The following MAMDC2 variants were observed in gnomAD, a reference collection of about 807,000 sequenced individuals.
The protein encoded by MAMDC2 is MAM domain-containing protein 2.
A neutral mutation model predicts 89.8 loss-of-function variants in MAMDC2; 57 were observed. That is an observed-to-expected ratio of 0.63 (90% CI 0.51 to 0.79). The LOEUF (loss-of-function observed/expected upper bound fraction) is 0.79. MAMDC2 is among the 30% of genes least tolerant of loss of function. The pLI, the probability that MAMDC2 is intolerant of heterozygous loss-of-function variation, is 0.00. For synonymous variants in MAMDC2, 313 were observed against 293.4 expected (o/e 1.07, Z -0.68); for missense variants, 800 against 820.6 (o/e 0.97, Z 0.31).
chr9:70,166,425 G>T, intron 9 of MAMDC2, among the ~76,000 whole-genome samples: 1 of 151,354 alleles, frequency 6.6e-6, no homozygotes, highest in East Asian at 1.9e-4. Flanking sequence ...TAACATAATT[G>T]TTGTAAATTT....
At chr9:70,197,229 A>T (rs1027960162) in intron 11 of MAMDC2, among the ~76,000 whole-genome samples, 2 of 152,248 alleles carry the variant, frequency 1.3e-5, no homozygotes, top group Admixed American at 1.3e-4. Flanking sequence ...ATGCAATAAC[A>T]TTCATCAAAG....
Position 70,109,800 on chromosome 9 carries a change from T to C in MAMDC2, c.501T>C (p.Cys167=), listed in dbSNP as rs375290017. ...AAATCAAGATGACAACCGGCTACTG[T>C]ATTGGTAAGTGGGCTTCATTTTCAT... ...LFEIKMTTGY[C]IECDFEENHL... is the part of the protein sequence containing the mutation. The change falls in exon 4 of 14, where the codon TGT becomes TGC. Residue 167 remains cysteine, a synonymous_variant. Transcript: ENST00000377182. 4 of 1,611,908 alleles carry C rather than the reference T, an allele frequency of 2.5e-6. No homozygotes were observed. Among genetic ancestry groups the C allele is most frequent in the Admixed American group, 1.7e-5 (1 of 59,956 alleles).
chr9:70,206,241 T>G (rs1310416844), intron 11 of MAMDC2, among the ~76,000 whole-genome samples: 1 of 152,204 alleles, frequency 6.6e-6, no homozygotes, highest in Non-Finnish European at 1.5e-5. Context: ...CTGGCCAATT[T>G]ATAAGTTTTA....
intron 9 of MAMDC2, 64 bp downstream of exon 9, chr9:70,143,883 G>A (rs939252059): frequency 3.5e-5 from 54 of 1,563,350 alleles, no homozygotes; most frequent in East Asian, 2.0e-4. Context: ...GTGAATGTCC[G>A]TCTAGCTACT....
chr9:70,159,233 T>C (rs2031875216), intron 9 of MAMDC2, among the ~76,000 whole-genome samples: 1 of 152,132 alleles, frequency 6.6e-6, no homozygotes, highest in Admixed American at 6.6e-5. Flanking sequence ...TACATAACAA[T>C]TCTACATCTA....
intron 11 of MAMDC2, chr9:70,217,406 G>C (rs1455003123): frequency 1.5e-6 from 2 of 1,324,346 alleles, no homozygotes; most frequent in Non-Finnish European, 2.2e-6. Flanking sequence ...CAAAAGAAAA[G>C]AACCCACCCA....
rs1187399467 is a variant in MAMDC2, at chr9:70,201,189, T to G, written c.1652-17148T>G. Among the ~76,000 whole-genome samples, 4 of 7,384 alleles carry G rather than the reference T, an allele frequency of 5.4e-4. 1 individual carries two copies. The highest frequency in any genetic ancestry group is 8.5e-4 in the African/African-American group (1 of 1,182). 4.8% of individuals were successfully genotyped at this position (7,384 alleles called of 152,430 possible). ...ATTCGGTATGATATTGGCTGTGGGT[T>G]TGTCATAAATAGCTCTTATTATTTT... On this transcript the variant is annotated intron_variant, in intron 11 of 13. Coordinates refer to ENST00000377182, the MANE Select transcript of MAMDC2 (RefSeq NM_153267.5).
At chr9:70,212,894 G>T (rs527550347) in intron 11 of MAMDC2, among the ~76,000 whole-genome samples, 5 of 152,306 alleles carry the variant, frequency 3.3e-5, no homozygotes, top group Admixed American at 2.0e-4. Flanking sequence ...CTGTAGAGAT[G>T]TGTGTGGTCC....
chr9:70,117,170 A>G (rs2030043237), intron 5 of MAMDC2, among the ~76,000 whole-genome samples: 1 of 152,142 alleles, frequency 6.6e-6, no homozygotes, highest in Non-Finnish European at 1.5e-5. Context: ...TCATTCAACA[A>G]ACACATAATA....
Position 70,050,096 on chromosome 9 carries a change from A to G in MAMDC2, c.148+5399A>G, listed in dbSNP as rs373879854. Among the ~76,000 whole-genome samples, 29 of 152,322 alleles carry G rather than the reference A, an allele frequency of 1.9e-4. 1 individual carries two copies. The highest frequency in any genetic ancestry group is 9.6e-4 in the East Asian group (5 of 5,184). Reference sequence around the variant, plus strand: ...GCTAATTATATTTCAGACATGTGGAAGAACTCAGATTCCAAAGATGCAGTG... The same window carrying G: ...GCTAATTATATTTCAGACATGTGGAGGAACTCAGATTCCAAAGATGCAGTG... On this transcript the variant is annotated intron_variant, in intron 2 of 13. Coordinates refer to ENST00000377182, the MANE Select transcript of MAMDC2 (RefSeq NM_153267.5).
chr9:70,125,751 G>T (rs966890676), intron 5 of MAMDC2, among the ~76,000 whole-genome samples: 1 of 152,184 alleles, frequency 6.6e-6, no homozygotes, highest in Non-Finnish European at 1.5e-5. Context: ...GTCTTTGTGT[G>T]CTCTTCAGAG....
intron 2 of MAMDC2, among the ~76,000 whole-genome samples, chr9:70,078,828 A>C (rs1342738973): frequency 6.6e-6 from 1 of 152,086 alleles, no homozygotes; most frequent in Non-Finnish European, 1.5e-5. Context: ...TGGGTAGCCA[A>C]GCCTATCATG....
chr9:70,164,403 TCTC>T, intron 9 of MAMDC2, among the ~76,000 whole-genome samples: 1 of 152,306 alleles, frequency 6.6e-6, no homozygotes, highest in East Asian at 1.9e-4. Flanking sequence ...TTTTTACAGC[TCTC>T]CTTTCATTGC....
intron 11 of MAMDC2, among the ~76,000 whole-genome samples, chr9:70,215,874 T>C (rs1183433894): frequency 3.9e-5 from 6 of 152,202 alleles, no homozygotes; most frequent in African/African-American, 1.4e-4. Flanking sequence ...CCAACGATGC[T>C]TTCTCCCACT....
intron 4 of MAMDC2, among the ~76,000 whole-genome samples, chr9:70,111,842 C>T (rs1828518604): frequency 6.6e-6 from 1 of 152,294 alleles, no homozygotes; most frequent in South Asian, 2.1e-4. Flanking sequence ...AGCTCTGTGA[C>T]CCAGGACTAG....
intron 10 of MAMDC2, 189 bp from the exon 11 acceptor site, chr9:70,170,290 C>A: frequency 2.1e-6 from 1 of 479,856 alleles, no homozygotes; most frequent in Non-Finnish European, 3.6e-6. Context: ...ATGTCTGTGG[C>A]AGGACCCGCA....
At chr9:70,218,221 T>G in intron 11 of MAMDC2, 116 bp from the exon 12 acceptor site, 1 of 1,158,526 alleles carries the variant, frequency 8.6e-7, no homozygotes, top group Non-Finnish European at 1.2e-6. Flanking sequence ...TATAAAACCC[T>G]TTATCAGTAC....
At chr9:70,060,530 A>G (rs577641174) in intron 2 of MAMDC2, 5 of 152,210 alleles carry the variant, frequency 3.3e-5, no homozygotes, top group Non-Finnish European at 4.4e-5. Context: ...GCTGGTTCGA[A>G]TGAGTGTTCC....
chr9:70,093,129 C>T (rs1827943714), intron 2 of MAMDC2, among the ~76,000 whole-genome samples: 1 of 152,000 alleles, frequency 6.6e-6, no homozygotes, highest in African/African-American at 2.4e-5. Flanking sequence ...GTGAAATTTT[C>T]ATAGGAACTC....
Sources: gnomAD v4.1 joint callset for allele counts (sites outside exome capture counted in the v4.1 genomes callset) on GRCh38, gnomAD v4.1.1 for gene constraint, MANE v1.5 for transcripts, NCBI Gene and HGNC (gene_info 2026-07-23, HGNC 2026-07-21) for gene names.